Variants in MPZ observed in about 807,000 individuals in gnomAD.
MPZ encodes the protein myelin protein zero.
MPZ carries 13 observed loss-of-function variants against 27.9 expected under a neutral mutation model. The ratio of observed to expected loss-of-function variants is 0.47; its 90% CI spans 0.30 to 0.74. The LOEUF (loss-of-function observed/expected upper bound fraction) is 0.74, where lower values mean the gene tolerates loss of function less well. MPZ is among the 30% of genes least tolerant of loss of function. MPZ has a pLI of 0.06. For missense variants in MPZ, 256 were observed against 317.5 expected, an observed-to-expected ratio of 0.81 and a Z score of 1.47; for synonymous variants, 118 against 128.9, an observed-to-expected ratio of 0.92 and a Z score of 0.57.
chr1:161,305,960 T>G lies in MPZ; in HGVS notation c.663A>C (p.Ala221=). Residue 221 remains alanine (A), a synonymous_variant, in exon 6 of 6, where the codon GCA becomes GCC. Coordinates refer to ENST00000533357, the MANE Select transcript of MPZ (RefSeq NM_000530.8). ...KRGRQTPVLY[A]MLDHSRSTKA... ...TGGTGCTTCTGCTGTGGTCCAGCAT[T>G]GCATACAGCACTGGCGTCTGGGGGA... 6.2e-7 allele frequency: 1 copy of G among 1,614,038 alleles called. No individual in the cohort carries two copies. Among genetic ancestry groups the G allele is most frequent in the Non-Finnish European group, 8.5e-7 (1 of 1,179,960 alleles).
chr1:161,309,553 T>A (rs1386729299), intron 1 of MPZ, among the ~76,000 whole-genome samples: 2 of 69,816 alleles, frequency 2.9e-5, no homozygotes. Context: ...TATATATATA[T>A]TTTTTTTTTT....
chr1:161,305,728 T>C lies in MPZ; in HGVS notation c.*148A>G. ...CCCATCATGTTCTTGAGGGCGTTTT[T>C]GAGGCTGGTTCTGCTGGGGGACTTG... On this transcript the variant is annotated 3_prime_UTR_variant, in exon 6 of 6. Coordinates refer to ENST00000533357, the MANE Select transcript of MPZ (RefSeq NM_000530.8). The C allele has an allele frequency of 1.6e-6, 1 of 627,872 alleles. No individual in the cohort carries two copies. The highest frequency in any genetic ancestry group is 2.8e-6 in the Non-Finnish European group (1 of 358,036). 38.9% of individuals were successfully genotyped at this position (627,872 alleles called of 1,614,324 possible).
At chr1:161,306,019 C>G (rs892101760) in intron 5 of MPZ, 42 bp from the exon 6 acceptor site, 3 of 1,607,966 alleles carry the variant, frequency 1.9e-6, no homozygotes, top group African/African-American at 2.7e-5. Flanking sequence ...GCGACTGGGG[C>G]TTGACTGTTC....
At position 161,306,168 on chromosome 1, in the gene MPZ, A is replaced by T; in HGVS notation, c.585T>A (p.Ser195Arg). 6.2e-7 allele frequency: 1 copy of T among 1,614,054 alleles called. No homozygotes were observed. Among genetic ancestry groups the T allele is most frequent in the Non-Finnish European group, 8.5e-7 (1 of 1,180,012 alleles). ...RRQAALQRRL[S>R]AMEKGKLHKP... Reference sequence around the variant, plus strand: ...TGTGCAATTTCCCCTTCTCCATAGCACTGCAAGAAGAGAGACTGCTGTACG... The same window carrying T: ...TGTGCAATTTCCCCTTCTCCATAGCTCTGCAAGAAGAGAGACTGCTGTACG... Residue 195 changes from serine to arginine, a missense_variant and splice_region_variant, in exon 5 of 6, where the codon AGT becomes AGA. Physicochemically the swap from Ser to Arg is moderately radical, Grantham distance 110. Around this residue, in one of 2 missense-constraint regions of MPZ, gnomAD observed 101 missense variants for 93.6 expected, o/e 1.08. Transcript: ENST00000533357.
downstream of MPZ, among the ~76,000 whole-genome samples, chr1:161,304,054 A>G (rs1185350353): frequency 6.6e-6 from 1 of 152,220 alleles, no homozygotes; most frequent in Non-Finnish European, 1.5e-5. Context: ...CAATCAGTTC[A>G]GGATACCAGG....
chr1:161,305,608 G>A lies in MPZ; in HGVS notation c.*268C>T, dbSNP rs2102256628. The A allele has an allele frequency of 1.9e-6, 1 of 524,586 alleles. No homozygotes were observed. Among genetic ancestry groups the A allele is most frequent in the East Asian group, 3.2e-5 (1 of 31,370 alleles). The allele number at this position is 524,586 out of a possible 1,614,324, so 32.5% of individuals were successfully genotyped here. A position where few individuals can be genotyped will look rare whatever the true frequency, so the allele number is the denominator to read the frequency against. ...GCAGGGCAGGGCGGGGGAGCAAAGA[G>A]GGAAAGCACCTAGACGGGGGTAAGA... On this transcript the variant is annotated 3_prime_UTR_variant, in exon 6 of 6. Coordinates refer to ENST00000533357, the MANE Select transcript of MPZ (RefSeq NM_000530.8).
intron 2 of MPZ, 59 bp from the exon 3 acceptor site, chr1:161,306,980 CT>C: frequency 1.5e-6 from 1 of 651,154 alleles, no homozygotes. Flanking sequence ...GCTGTCAAAG[CT>C]TAGCTCCATA....
chr1:161,307,014 C>CAA (rs34621933), intron 2 of MPZ, 93 bp from the exon 3 acceptor site: 3,796 of 230,818 alleles, frequency 0.016, 1 homozygote, highest in East Asian at 0.035. Flanking sequence ...AAGAAAAAAG[C>CAA]AAAAAAAAAA....
rs34621933 is a variant in MPZ at position 161,307,014 on chromosome 1, C to CAAAAAAA, written c.235-100_235-94dup. ...ATAATTTGTTACAGAAAGAAAAAAG[C>CAAAAAAA]AAAAAAAAAAAAAAAAAAAAAAAAG... On this transcript the variant is annotated intron_variant, in intron 2 of 5. Transcript: ENST00000533357. 1.3e-3 allele frequency: 308 copies of CAAAAAAA among 232,426 alleles called. 2 individuals carry two copies. The highest frequency in any genetic ancestry group is 2.0e-3 in the South Asian group (70 of 35,234). The allele number at this position is 232,426 out of a possible 1,614,324, so 14.4% of individuals were successfully genotyped here.
At chr1:161,306,655 C>G in intron 3 of MPZ, 53 bp downstream of exon 3, 1 of 1,590,078 alleles carries the variant, frequency 6.3e-7, no homozygotes, top group Non-Finnish European at 8.6e-7. Flanking sequence ...TCAGTCCTCC[C>G]TGATCCCCTC....
rs149030537 is a variant in MPZ, at chr1:161,304,965, T to TTCTC, written c.*907_*910dup. On this transcript the variant is annotated 3_prime_UTR_variant, in exon 6 of 6. Transcript: ENST00000533357. ...CCACTCCCTGACCTATGAGGATCCA[T>TTCTC]TCTCTCTCTCTGTCTCTCTCCTCAA... 0.13 allele frequency: 19,447 copies of TTCTC among 149,882 alleles called. 1,305 individuals are homozygous for TTCTC. Among genetic ancestry groups the TTCTC allele is most frequent in the Non-Finnish European group, 0.14 (9,165 of 67,528 alleles). 9.3% of individuals were successfully genotyped at this position (149,882 alleles called of 1,614,324 possible). A position where few individuals can be genotyped will look rare whatever the true frequency, so the allele number is the denominator to read the frequency against.
In MPZ at chr1:161,305,693, C is replaced by G. The variant is rs1265602943; in HGVS notation, c.*183G>C. ...GGTGGGGGGGTGGCGATCACTTGTCCGAGTTCAGGCCCATCATGTTCTTGA... is the reference window on the plus strand; with the variant it reads ...GGTGGGGGGGTGGCGATCACTTGTCGGAGTTCAGGCCCATCATGTTCTTGA... On this transcript the variant is annotated 3_prime_UTR_variant, in exon 6 of 6. Transcript: ENST00000533357. The G allele has an allele frequency of 1.0e-5, 6 of 594,804 alleles. No individual in the cohort carries two copies. In the South Asian group the frequency reaches 1.2e-4, roughly 12 times the overall value. The allele number at this position is 594,804 out of a possible 1,614,324, so 36.8% of individuals were successfully genotyped here.
chr1:161,308,621 A>G (rs1670318158), intron 1 of MPZ, among the ~76,000 whole-genome samples: 1 of 152,166 alleles, frequency 6.6e-6, no homozygotes, highest in Non-Finnish European at 1.5e-5. Flanking sequence ...ACCTTCTGGA[A>G]CTTCCACCTT....
At position 161,305,593 on chromosome 1, in the gene MPZ, G is replaced by T; in HGVS notation, c.*283C>A. On this transcript the variant is annotated 3_prime_UTR_variant, in exon 6 of 6. Transcript: ENST00000533357. ...CAAAGGGAGGTGAGGGCAGGGCAGGGCGGGGGAGCAAAGAGGGAAAGCACC... is the reference window on the plus strand; with the variant it reads ...CAAAGGGAGGTGAGGGCAGGGCAGGTCGGGGGAGCAAAGAGGGAAAGCACC... The T allele has an allele frequency of 2.0e-6, 1 of 502,470 alleles. No individual in the cohort carries two copies. Among genetic ancestry groups the T allele is most frequent in the South Asian group, 2.8e-5 (1 of 35,528 alleles). 31.1% of individuals were successfully genotyped at this position (502,470 alleles called of 1,614,324 possible). A position where few individuals can be genotyped will look rare whatever the true frequency, so the allele number is the denominator to read the frequency against.
rs765343908 is a variant in MPZ, at chr1:161,306,468, G to A, written c.449-4C>T. ...ACGACCCCGTACCTAGTTGGCACTA[G>A]GAGGGGTGGGAAAAGAAGTGGGAGA... On this transcript the variant is annotated splice_region_variant and splice_polypyrimidine_tract_variant and intron_variant, in intron 3 of 5. Transcript: ENST00000533357. 35 of 1,614,110 alleles carry A rather than the reference G, an allele frequency of 2.2e-5. 1 individual carries two copies. In the South Asian group the frequency reaches 3.0e-4, roughly 14 times the overall value.
rs1043363605 is a variant in MPZ at position 161,306,336 on chromosome 1, T to G, written c.577A>C (p.Arg193=). The change falls in exon 4 of 6, where the codon AGG becomes CGG. Residue 193 remains arginine (R), a synonymous_variant. Coordinates refer to ENST00000533357, the MANE Select transcript of MPZ (RefSeq NM_000530.8). The stretch of plus-strand genomic sequence containing the variant: ...CTAGGCTCCGCCCCTTACCTGAGCC[T>G]CCTCTGCAGGGCCGCCTGCCTGCGT... ...WLRRQAALQR[R]LSAMEKGKLH... The G allele has an allele frequency of 4.3e-6, 7 of 1,613,978 alleles. No homozygotes were observed. Among genetic ancestry groups the G allele is most frequent in the Admixed American group, 3.3e-5 (2 of 60,002 alleles).
At position 161,309,535 on chromosome 1, in the gene MPZ, C is replaced by CATATATATATATATAT. The variant is rs568535304; in HGVS notation, c.67+288_67+303dup. 7.3e-4 allele frequency among the ~76,000 whole-genome samples: 82 copies of CATATATATATATATAT among 112,230 alleles called. 1 individual carries two copies. The highest frequency in any genetic ancestry group is 1.1e-3 in the Non-Finnish European group (61 of 56,166). The allele number at this position is 112,230 out of a possible 152,430, so 73.6% of individuals were successfully genotyped here. ...CTCTAAATGCATATTTTTTTCTTTT[C>CATATATATATATATAT]ATATATATATATATATATTTTTTTT... On this transcript the variant is annotated intron_variant, in intron 1 of 5. Transcript: ENST00000533357.
Position 161,306,704 on chromosome 1 carries a change from A to T in MPZ, c.448+4T>A. 1 of 1,613,404 alleles carries T rather than the reference A, an allele frequency of 6.2e-7. No individual in the cohort carries two copies. Among genetic ancestry groups the T allele is most frequent in the South Asian group, 1.1e-5 (1 of 91,052 alleles). On this transcript the variant is annotated splice_donor_region_variant and intron_variant, in intron 3 of 5. Coordinates refer to ENST00000533357, the MANE Select transcript of MPZ (RefSeq NM_000530.8). ...CATACCCTTGTCCCCATCCCTTCTC[A>T]CACCTTTTTCAAAGACATACAGCGT...
intron 1 of MPZ, among the ~76,000 whole-genome samples, chr1:161,309,465 A>C (rs1670342249): frequency 6.8e-6 from 1 of 147,006 alleles, no homozygotes; most frequent in Non-Finnish European, 1.5e-5. Flanking sequence ...AGCTTGCTAC[A>C]CTCTCTTTTA....
Sources: gnomAD v4.1 joint callset for allele counts (sites outside exome capture counted in the v4.1 genomes callset) on GRCh38, gnomAD v4.1.1 for gene constraint, gnomAD v4.1.1 regional missense constraint, MANE v1.5 for transcripts, NCBI Gene and HGNC (gene_info 2026-07-23, HGNC 2026-07-21) for gene names.